HS6ST2: variants seen among roughly 807,000 people sequenced by gnomAD.
HS6ST2 encodes the protein heparan-sulfate 6-O-sulfotransferase 2.
Under a neutral mutation model 33.0 loss-of-function variants are expected in HS6ST2, and 17 were observed. The observed-to-expected ratio is 0.52, with a 90% confidence interval of 0.35 to 0.77. The LOEUF is 0.77. Ranked by LOEUF, HS6ST2 falls within the 30% of genes least tolerant of loss-of-function variation. HS6ST2 has a pLI of 0.01. For missense variants in HS6ST2, 519 were observed against 551.7 expected, an observed-to-expected ratio of 0.94 and a Z score of 0.59; for synonymous variants, 248 against 237.1, an observed-to-expected ratio of 1.05 and a Z score of -0.42.
At chrX:132,631,999 G>T (rs1028191454) in intron 4 of HS6ST2, among the ~76,000 whole-genome samples, 1 of 110,726 alleles carries the variant, frequency 9.0e-6, no homozygotes, top group Non-Finnish European at 1.9e-5. Context: ...TCATGTTGTG[G>T]GTGTGTGGAT....
chrX:132,833,495 C>T (rs1184743407), intron 2 of HS6ST2, among the ~76,000 whole-genome samples: 1 of 111,912 alleles, frequency 8.9e-6, no homozygotes, highest in Non-Finnish European at 1.9e-5. Flanking sequence ...TGTCTAGTGT[C>T]CTGATATCTT....
intron 2 of HS6ST2, among the ~76,000 whole-genome samples, chrX:132,843,982 C>T (rs775231855): frequency 3.6e-5 from 4 of 112,008 alleles, no homozygotes; most frequent in African/African-American, 1.3e-4. Context: ...GGGAAAGTTA[C>T]ATAGAGATAA....
At chrX:132,867,716 C>G (rs761435717) in intron 2 of HS6ST2, among the ~76,000 whole-genome samples, 2 of 111,704 alleles carry the variant, frequency 1.8e-5, no homozygotes, top group South Asian at 7.5e-4. Flanking sequence ...AAATAAAATC[C>G]TTTACAGACG....
intron 3 of HS6ST2, among the ~76,000 whole-genome samples, chrX:132,694,057 G>C (rs2064086265): frequency 8.9e-6 from 1 of 112,121 alleles, no homozygotes; most frequent in African/African-American, 3.2e-5. Flanking sequence ...TAAGACTCGT[G>C]CCCTCATCCC....
intron 2 of HS6ST2, among the ~76,000 whole-genome samples, chrX:132,763,153 T>G (rs1177913615): frequency 2.7e-5 from 3 of 111,979 alleles, no homozygotes; most frequent in African/African-American, 9.7e-5. Flanking sequence ...CTCAGGATGA[T>G]GGAAAGACCG....
At chrX:132,930,905 T>G (rs1209800950) in intron 2 of HS6ST2, among the ~76,000 whole-genome samples, 1 of 111,135 alleles carries the variant, frequency 9.0e-6, no homozygotes, top group Non-Finnish European at 1.9e-5. Context: ...AATAAAAGAT[T>G]TAAATAGGAC....
In HS6ST2 at chrX:132,917,012, T is replaced by C. The variant is rs200029643; in HGVS notation, c.947+39796A>G. ...TTGAAGTTCATATCTAAAATAAGGA[T>C]GGGTCTTAGAATGACTGCATACATT... On this transcript the variant is annotated intron_variant, in intron 2 of 4. Coordinates refer to ENST00000370833, the MANE Select transcript of HS6ST2 (RefSeq NM_001394073.1). Among the ~76,000 whole-genome samples, 8 of 111,963 alleles carry C rather than the reference T, an allele frequency of 7.1e-5. No individual in the cohort carries two copies. The East Asian group carries it at 2.2e-3, about 31-fold the overall frequency.
intron 3 of HS6ST2, among the ~76,000 whole-genome samples, chrX:132,678,763 G>A (rs2063944151): frequency 8.9e-6 from 1 of 112,365 alleles, no homozygotes; most frequent in African/African-American, 3.2e-5. Context: ...ATTTTAGTGT[G>A]CATGAAAACA....
At chrX:132,663,794 C>T (rs1428620828) in intron 4 of HS6ST2, among the ~76,000 whole-genome samples, 6 of 112,009 alleles carry the variant, frequency 5.4e-5, no homozygotes, top group Non-Finnish European at 1.1e-4. Flanking sequence ...TACTTTCATA[C>T]ACACACAGTG....
In HS6ST2 at chrX:132,641,623, A is replaced by G. The variant is rs191518875; in HGVS notation, c.1068-12530T>C. Among the ~76,000 whole-genome samples the G allele has an allele frequency of 3.5e-5, 4 of 112,951 alleles. No individual in the cohort carries two copies. The Admixed American group carries it at 3.7e-4, about 11-fold the overall frequency. ...GGGCAAATAACCTCTCTGTGCTTCT[A>G]CTTTTCTCATTTACAATGCATGAAA... On this transcript the variant is annotated intron_variant, in intron 4 of 4. Coordinates refer to ENST00000370833, the MANE Select transcript of HS6ST2 (RefSeq NM_001394073.1).
At chrX:132,745,860 G>T (rs1248720080) in intron 2 of HS6ST2, among the ~76,000 whole-genome samples, 1 of 112,085 alleles carries the variant, frequency 8.9e-6, no homozygotes, top group Non-Finnish European at 1.9e-5. Flanking sequence ...TAGGGCCTGA[G>T]CAACAATTGT....
At position 132,698,921 on chromosome X, in the gene HS6ST2, T is replaced by G. The variant is rs182813143; in HGVS notation, c.980+9541A>C. ...CATTAAGAATCGTGCTGAATTATGGTAGGTGCTCAATAAGTGTATCTGTAA... is the reference window on the plus strand; with the variant it reads ...CATTAAGAATCGTGCTGAATTATGGGAGGTGCTCAATAAGTGTATCTGTAA... On this transcript the variant is annotated intron_variant, in intron 3 of 4. Coordinates refer to ENST00000370833, the MANE Select transcript of HS6ST2 (RefSeq NM_001394073.1). Among the ~76,000 whole-genome samples the G allele has an allele frequency of 1.8e-4, 20 of 112,272 alleles. No individual in the cohort carries two copies. The East Asian group carries it at 5.3e-3, about 30-fold the overall frequency.
At chrX:132,673,254 G>T (rs2148210192) in intron 3 of HS6ST2, among the ~76,000 whole-genome samples, 1 of 112,292 alleles carries the variant, frequency 8.9e-6, no homozygotes, top group East Asian at 2.8e-4. Context: ...GCAGTCAAGA[G>T]GTATTCATTG....
chrX:132,641,093 A>G (rs1042496947), intron 4 of HS6ST2, among the ~76,000 whole-genome samples: 3 of 112,117 alleles, frequency 2.7e-5, no homozygotes, highest in Non-Finnish European at 5.6e-5. Context: ...TGTGTGCTCA[A>G]TGTTTAGCTC....
chrX:132,629,024 C>T lies in HS6ST2; in HGVS notation c.1137G>A (p.Gln379=). 1 of 1,205,465 alleles carries T rather than the reference C, an allele frequency of 8.3e-7. No homozygotes were observed. Among genetic ancestry groups the T allele is most frequent in the East Asian group, 3.0e-5 (1 of 33,499 alleles). The stretch of plus-strand genomic sequence containing the variant: ...GGGATGCTTTCCATGTTGCCCCTCT[C>T]TGGACATGCCTCCACTCACTCAAGT... ...SRYLSEWRHV[Q]RGATWKASLH... The change falls in exon 5 of 5, where the codon CAG becomes CAA. Residue 379 remains glutamine, a synonymous_variant. Coordinates refer to ENST00000370833, the MANE Select transcript of HS6ST2 (RefSeq NM_001394073.1).
At chrX:132,884,888 G>C (rs1005200835) in intron 2 of HS6ST2, among the ~76,000 whole-genome samples, 2 of 111,485 alleles carry the variant, frequency 1.8e-5, no homozygotes, top group Non-Finnish European at 3.8e-5. Context: ...TGGTGATAGA[G>C]AGTGGGAATA....
At chrX:132,832,841 C>T (rs1016327166) in intron 2 of HS6ST2, among the ~76,000 whole-genome samples, 12 of 111,682 alleles carry the variant, frequency 1.1e-4, no homozygotes, top group African/African-American at 3.9e-4. Flanking sequence ...ACATACAACA[C>T]ATCCATGTAA....
At chrX:132,764,927 T>G in intron 2 of HS6ST2, among the ~76,000 whole-genome samples, 1 of 112,268 alleles carries the variant, frequency 8.9e-6, no homozygotes, top group African/African-American at 3.2e-5. Flanking sequence ...ACTTCCCAGT[T>G]TTATTCTCTC....
chrX:132,796,815 A>G (rs1324376097), intron 2 of HS6ST2, among the ~76,000 whole-genome samples: 4 of 112,533 alleles, frequency 3.6e-5, no homozygotes, highest in Non-Finnish European at 7.5e-5. Context: ...GGGACAAGAC[A>G]TGCAACGATT....
Sources: gnomAD v4.1 joint callset for allele counts (sites outside exome capture counted in the v4.1 genomes callset) on GRCh38, gnomAD v4.1.1 for gene constraint, MANE v1.5 for transcripts, NCBI Gene and HGNC (gene_info 2026-07-23, HGNC 2026-07-21) for gene names.